The following CCDC81 variants were observed in gnomAD, a reference collection of about 807,000 sequenced individuals.
CCDC81 encodes the protein coiled-coil domain containing 81.
In CCDC81, 79 loss-of-function variants were observed where a neutral mutation model predicts 83.7. The observed-to-expected ratio is 0.94, with a 90% CI of 0.79 to 1.14. The LOEUF is 1.14. CCDC81 is among the 50% of genes most tolerant of loss of function. CCDC81 has a pLI of 0.00. For missense variants in CCDC81, 791 were observed against 778.1 expected, an observed-to-expected ratio of 1.02 and a Z score of -0.20; for synonymous variants, 252 against 278.1, an observed-to-expected ratio of 0.91 and a Z score of 0.93.
chr11:86,420,152 A>G (rs1322722644), intron 14 of CCDC81, 99 bp downstream of exon 14: 16 of 1,405,078 alleles, frequency 1.1e-5, no homozygotes, highest in Non-Finnish European at 1.6e-5. Flanking sequence ...TGCCTAGAGA[A>G]CCTTGTGGAG....
intron 2 of CCDC81, among the ~76,000 whole-genome samples, chr11:86,386,939 C>T (rs1198473990): frequency 1.3e-5 from 2 of 152,162 alleles, no homozygotes; most frequent in Non-Finnish European, 2.9e-5. Flanking sequence ...CACTCTCTTG[C>T]TTTCTTTTTT....
intron 11 of CCDC81, among the ~76,000 whole-genome samples, chr11:86,413,555 T>C (rs1438698838): frequency 3.3e-5 from 5 of 152,146 alleles, no homozygotes; most frequent in Non-Finnish European, 7.4e-5. Context: ...CACAATTTTT[T>C]ATTACAAAAA....
intron 1 of CCDC81, among the ~76,000 whole-genome samples, chr11:86,385,733 G>A (rs1265657122): frequency 6.6e-6 from 1 of 152,142 alleles, no homozygotes; most frequent in South Asian, 2.1e-4. Context: ...AAAAGGTTGG[G>A]TTATACTTGA....
intron 1 of CCDC81, among the ~76,000 whole-genome samples, chr11:86,379,183 G>A (rs1053700852): frequency 2.6e-5 from 4 of 151,206 alleles, no homozygotes; most frequent in South Asian, 2.1e-4. Flanking sequence ...TGCAAGCTCC[G>A]CCTCCTGGGT....
In CCDC81 at chr11:86,392,540, G is replaced by A. The variant is rs1274361425; in HGVS notation, c.299-1G>A. 6.5e-7 allele frequency: 1 copy of A among 1,550,382 alleles called. No homozygotes were observed. On this transcript the variant is annotated splice_acceptor_variant, in intron 3 of 14. Transcript: ENST00000445632. LOFTEE classifies it high-confidence loss of function. ...CACCCCAACTGTCTTTTCTCCTTTA[G>A]GTGAAATCCCAATTGTTCCACTTAA...
Position 86,408,220 on chromosome 11 carries a change from A to G in CCDC81, c.1063A>G (p.Ile355Val). Residue 355 changes from isoleucine to valine, a missense_variant, in exon 9 of 15, where the codon ATA becomes GTA. By Grantham distance (29) the Ile-to-Val change is conservative. Transcript: ENST00000445632. ...GAGAGAGATAGAAGATGAGAGACTC[A>G]TACAGCAGTATCAGATGTTAAAGGA... ...RRREIEDERLIQQYQMLKDQE... is the reference protein window; with the variant it reads ...RRREIEDERLVQQYQMLKDQE... 1 of 1,614,076 alleles carries G rather than the reference A, an allele frequency of 6.2e-7. No homozygotes were observed. The highest frequency in any genetic ancestry group is 1.1e-5 in the South Asian group (1 of 91,054).
rs763182214 is a variant in CCDC81 at position 86,386,067 on chromosome 11, G to A, written c.96G>A (p.Trp32Ter). The change falls in exon 2 of 15, where the codon TGG becomes TGA. Residue 32 changes from tryptophan (W) to a stop codon, truncating the protein, a stop_gained. Coordinates refer to ENST00000445632, the MANE Select transcript of CCDC81 (RefSeq NM_001156474.2). LOFTEE classifies it high-confidence loss of function. Reference protein sequence around the residue: ...SLSQEEVSIIWGNVSEFVRRQ... With the variant: ...SLSQEEVSII ...GAATTTCAGAAGTCTCTATTATCTG[G>A]GGGAATGTATCAGAATTTGTGAGAC... 2 of 1,526,184 alleles carry A rather than the reference G, an allele frequency of 1.3e-6. No homozygotes were observed. Among genetic ancestry groups the A allele is most frequent in the Non-Finnish European group, 1.8e-6 (2 of 1,124,150 alleles). 94.5% of individuals were successfully genotyped at this position (1,526,184 alleles called of 1,614,324 possible).
At chr11:86,381,953 A>C (rs1303756955) in intron 1 of CCDC81, among the ~76,000 whole-genome samples, 2 of 152,172 alleles carry the variant, frequency 1.3e-5, no homozygotes, top group South Asian at 2.1e-4. Context: ...GGCAAAGGGA[A>C]TGACAGGGGC....
chr11:86,416,027 G>A (rs1164362583), intron 13 of CCDC81, among the ~76,000 whole-genome samples: 1 of 152,234 alleles, frequency 6.6e-6, no homozygotes, highest in East Asian at 1.9e-4. Context: ...GGTGTCTCAT[G>A]CTTTAATTTG....
intron 6 of CCDC81, among the ~76,000 whole-genome samples, chr11:86,398,527 G>T (rs992361011): frequency 4.6e-5 from 7 of 151,476 alleles, no homozygotes; most frequent in Admixed American, 2.6e-4. Context: ...GGACTCCAAA[G>T]ATTTTTTTTT....
chr11:86,384,374 G>C (rs1029689221), intron 1 of CCDC81, among the ~76,000 whole-genome samples: 1 of 152,070 alleles, frequency 6.6e-6, no homozygotes, highest in South Asian at 2.1e-4. Context: ...CCTGATTATA[G>C]AAAGTGATTA....
At chr11:86,421,037 A>C (rs1172571983) in intron 14 of CCDC81, among the ~76,000 whole-genome samples, 1 of 152,188 alleles carries the variant, frequency 6.6e-6, no homozygotes, top group Non-Finnish European at 1.5e-5. Context: ...GAGACACAGG[A>C]AATAATGTTG....
Position 86,392,690 on chromosome 11 carries a change from G to A in CCDC81, c.448G>A (p.Gly150Arg), listed in dbSNP as rs1242618412. The A allele has an allele frequency of 5.8e-6, 9 of 1,551,548 alleles. No individual in the cohort carries two copies. In the East Asian group the frequency reaches 1.5e-4, roughly 25 times the overall value. The change falls in exon 4 of 15, where the codon GGA becomes AGA. Residue 150 changes from glycine (G) to arginine (R), a missense_variant. By Grantham distance (125) the Gly-to-Arg change is moderately radical (BLOSUM62 -2). Coordinates refer to ENST00000445632, the MANE Select transcript of CCDC81 (RefSeq NM_001156474.2). Reference sequence around the variant, plus strand: ...ACAAAATGTGGAGTTTACATTCAAAGGAATTGGGGTCCTCATGATCAGAGA... The same window carrying A: ...ACAAAATGTGGAGTTTACATTCAAAAGAATTGGGGTCCTCATGATCAGAGA... ...MKQNVEFTFK[G>R]IGVLMIRDSK...
chr11:86,400,859 T>C (rs1040073618), intron 7 of CCDC81, 58 bp downstream of exon 7: 115 of 1,509,000 alleles, frequency 7.6e-5, no homozygotes, highest in Admixed American at 6.5e-4. Context: ...TTTGAGTCGT[T>C]GCTTGATGCG....
At chr11:86,418,243 G>A (rs1178382752) in intron 13 of CCDC81, among the ~76,000 whole-genome samples, 1 of 152,250 alleles carries the variant, frequency 6.6e-6, no homozygotes, top group East Asian at 1.9e-4. Context: ...AGAAACCTTT[G>A]TGTACTGTTG....
chr11:86,411,631 C>T (rs1948642667), intron 10 of CCDC81, among the ~76,000 whole-genome samples: 1 of 152,162 alleles, frequency 6.6e-6, no homozygotes, highest in African/African-American at 2.4e-5. Flanking sequence ...CATGATTTCG[C>T]ATGCACTCAG....
chr11:86,398,735 G>T (rs1473329758), intron 6 of CCDC81, among the ~76,000 whole-genome samples: 1 of 152,168 alleles, frequency 6.6e-6, no homozygotes, highest in South Asian at 2.1e-4. Context: ...ACCACGCCCA[G>T]CTAATTTTTG....
At chr11:86,405,009 A>ATAC (rs1948545503) in intron 7 of CCDC81, among the ~76,000 whole-genome samples, 1 of 152,200 alleles carries the variant, frequency 6.6e-6, no homozygotes, top group African/African-American at 2.4e-5. Flanking sequence ...AAGACATTGT[A>ATAC]TACTACTATT....
intron 1 of CCDC81, among the ~76,000 whole-genome samples, chr11:86,385,448 A>G (rs1948229460): frequency 6.6e-6 from 1 of 152,248 alleles, no homozygotes; most frequent in South Asian, 2.1e-4. Flanking sequence ...ACAGTAGATA[A>G]GAAGCAATGA....
Sources: allele counts gnomAD v4.1 joint callset (sites outside exome capture counted in the v4.1 genomes callset), GRCh38; gene constraint gnomAD v4.1.1; transcripts MANE v1.5; gene names NCBI Gene and HGNC (gene_info 2026-07-23, HGNC 2026-07-21).